The following PBX1 variants were observed in gnomAD, a reference collection of about 807,000 sequenced individuals.
PBX1 encodes PBX homeobox 1.
In PBX1, 6 loss-of-function variants were observed where a neutral mutation model predicts 53.4. That is an observed-to-expected ratio of 0.11 (90% CI 0.06 to 0.22). PBX1 has a LOEUF of 0.22. PBX1 is among the 10% of genes least tolerant of loss of function. The pLI is 1.00. For missense variants in PBX1, 251 were observed against 551.4 expected (o/e 0.46, Z 5.46); for synonymous variants, 204 against 212.3 (o/e 0.96, Z 0.34).
At chr1:164,841,699 G>A (rs183098782) in intron 8 of PBX1, among the ~76,000 whole-genome samples, 9 of 152,274 alleles carry the variant, frequency 5.9e-5, no homozygotes, top group African/African-American at 2.2e-4. Flanking sequence ...ATAGAAGAGT[G>A]ATGAATCTAG....
intron 3 of PBX1, 96 bp from the exon 4 acceptor site, chr1:164,799,603 A>G: frequency 9.4e-7 from 1 of 1,068,534 alleles, no homozygotes; most frequent in Non-Finnish European, 1.3e-6. Flanking sequence ...TATTTGCACA[A>G]GTCTCTAGAA....
At chr1:164,577,184 C>T (rs1265677200) in intron 2 of PBX1, among the ~76,000 whole-genome samples, 1 of 152,210 alleles carries the variant, frequency 6.6e-6, no homozygotes, top group Non-Finnish European at 1.5e-5. Flanking sequence ...TCTCTCAGCT[C>T]TTACAGGGAG....
intron 2 of PBX1, among the ~76,000 whole-genome samples, chr1:164,754,716 G>A (rs1358763092): frequency 2.0e-5 from 3 of 152,182 alleles, no homozygotes; most frequent in Non-Finnish European, 4.4e-5. Context: ...AGAGAGAGAT[G>A]AGGATAATAC....
intron 2 of PBX1, among the ~76,000 whole-genome samples, chr1:164,719,729 G>A (rs187942236): frequency 2.4e-4 from 37 of 152,186 alleles, no homozygotes; most frequent in Admixed American, 1.6e-3. Context: ...TTCTGTCATC[G>A]AATTTGGAGG....
chr1:164,684,870 A>G (rs1184320558), intron 2 of PBX1: 1 of 152,206 alleles, frequency 6.6e-6, no homozygotes, highest in African/African-American at 2.4e-5. Context: ...ACTCATTTCC[A>G]TAATACTGAA....
intron 2 of PBX1, among the ~76,000 whole-genome samples, chr1:164,587,682 T>C (rs537834110): frequency 6.6e-6 from 1 of 152,324 alleles, no homozygotes; most frequent in African/African-American, 2.4e-5. Flanking sequence ...GATTAATGAA[T>C]AGTCATCCTG....
intron 2 of PBX1, among the ~76,000 whole-genome samples, chr1:164,653,082 G>T (rs1186348684): frequency 6.6e-6 from 1 of 151,906 alleles, no homozygotes; most frequent in Non-Finnish European, 1.5e-5. Flanking sequence ...GGCCAGGGTG[G>T]TCTTGAACTC....
intron 2 of PBX1, chr1:164,773,096 C>G (rs1667453787): frequency 6.6e-6 from 1 of 152,160 alleles, no homozygotes; most frequent in Non-Finnish European, 1.5e-5. Flanking sequence ...GTTCTCAGCC[C>G]TCTGTACTGG....
chr1:164,792,506 G>A lies in PBX1; in HGVS notation c.278G>A (p.Arg93Gln). Reference sequence around the variant, plus strand: ...TCTTTTTCTGTAGTTTTGAGTATCCGAGGAGCCCAGGAGGAGGAACCCACA... The same window carrying A: ...TCTTTTTCTGTAGTTTTGAGTATCCAAGGAGCCCAGGAGGAGGAACCCACA... ...EIKEKTVLSI[R>Q]GAQEEEPTDP... The change falls in exon 3 of 9, where the codon CGA becomes CAA. Residue 93 changes from arginine to glutamine, a missense_variant. Transcript: ENST00000420696. 3 of 1,613,882 alleles carry A rather than the reference G, an allele frequency of 1.9e-6. No individual in the cohort carries two copies. The highest frequency in any genetic ancestry group is 2.5e-6 in the Non-Finnish European group (3 of 1,180,004).
chr1:164,585,761 C>T (rs2101752486), intron 2 of PBX1, among the ~76,000 whole-genome samples: 1 of 152,280 alleles, frequency 6.6e-6, no homozygotes, highest in East Asian at 1.9e-4. Context: ...ATCTTGGCAG[C>T]TAATAACAAT....
intron 2 of PBX1, among the ~76,000 whole-genome samples, chr1:164,881,723 A>G (rs1465450951): frequency 6.6e-6 from 1 of 152,136 alleles, no homozygotes; most frequent in Non-Finnish European, 1.5e-5. Flanking sequence ...GCATCTGCTC[A>G]TTGGCTACTG....
chr1:164,691,553 C>A (rs1000598867), intron 2 of PBX1, among the ~76,000 whole-genome samples: 1 of 152,206 alleles, frequency 6.6e-6, no homozygotes, highest in African/African-American at 2.4e-5. Flanking sequence ...CATTCTCTTT[C>A]AGTCCCATCT....
chr1:164,854,877 T>C (rs1341913376), downstream of PBX1, among the ~76,000 whole-genome samples: 1 of 151,648 alleles, frequency 6.6e-6, no homozygotes, highest in Non-Finnish European at 1.5e-5. Flanking sequence ...CAGCCAAAAT[T>C]CACTCTCTCC....
chr1:164,663,116 A>T lies in PBX1; in HGVS notation c.265+99805A>T, dbSNP rs73028021. ...AGCATGTCAGTCAAAGGAATGACTT[A>T]AGCAAATGGAAGCGTGCCTACCTTT... On this transcript the variant is annotated intron_variant, in intron 2 of 8. Coordinates refer to ENST00000420696, the MANE Select transcript of PBX1 (RefSeq NM_002585.4). 8.6e-3 allele frequency among the ~76,000 whole-genome samples: 1,312 copies of T among 152,212 alleles called. 19 individuals are homozygous for T. The highest frequency in any genetic ancestry group is 0.03 in the African/African-American group (1,253 of 41,536).
chr1:164,784,271 G>A (rs1158094345), intron 2 of PBX1, among the ~76,000 whole-genome samples: 10 of 152,168 alleles, frequency 6.6e-5, no homozygotes, highest in Non-Finnish European at 1.2e-4. Flanking sequence ...GGGGTTTCCC[G>A]AGCAGCAGTC....
chr1:164,840,057 T>C (rs577214647), intron 8 of PBX1, among the ~76,000 whole-genome samples: 2 of 152,190 alleles, frequency 1.3e-5, no homozygotes, highest in East Asian at 3.9e-4. Context: ...AGTATTCCAA[T>C]AACAAGAGCA....
chr1:164,833,709 A>C (rs1670881258), intron 8 of PBX1, among the ~76,000 whole-genome samples: 1 of 152,058 alleles, frequency 6.6e-6, no homozygotes, highest in Admixed American at 6.6e-5. Context: ...GTGCTCAATG[A>C]ATGCTTTTCA....
intron 2 of PBX1, among the ~76,000 whole-genome samples, chr1:164,711,753 A>G (rs1337815820): frequency 6.6e-6 from 1 of 152,174 alleles, no homozygotes; most frequent in Admixed American, 6.5e-5. Flanking sequence ...CCTGATGTAT[A>G]TGTGTACATG....
chr1:164,686,091 C>G (rs773690620), intron 2 of PBX1, among the ~76,000 whole-genome samples: 8 of 152,158 alleles, frequency 5.3e-5, no homozygotes, highest in Non-Finnish European at 1.2e-4. Flanking sequence ...ATTTATTCAT[C>G]TATTAAGGGG....
Sources: allele counts gnomAD v4.1 joint callset (sites outside exome capture counted in the v4.1 genomes callset), GRCh38; gene constraint gnomAD v4.1.1; transcripts MANE v1.5; gene names NCBI Gene and HGNC (gene_info 2026-07-23, HGNC 2026-07-21).